PPARGC1A: variants seen among roughly 807,000 people sequenced by gnomAD.
The protein encoded by PPARGC1A is peroxisome proliferator-activated receptor gamma coactivator 1-alpha.
Under a neutral mutation model 88.7 loss-of-function variants are expected in PPARGC1A, and 25 were observed. The ratio of observed to expected loss-of-function variants is 0.28; its 90% CI spans 0.21 to 0.39. The LOEUF is 0.39. PPARGC1A is among the 10% of genes least tolerant of loss of function. PPARGC1A has a pLI of 1.00. For missense variants in PPARGC1A, 880 were observed against 968.7 expected (o/e 0.91, Z 1.22); for synonymous variants, 363 against 355.6 (o/e 1.02, Z -0.24).
At chr4:24,002,521 C>T in the PPARGC1A span, among the ~76,000 whole-genome samples, 1 of 151,912 alleles carries the variant, frequency 6.6e-6, no homozygotes, top group Non-Finnish European at 1.5e-5. Context: ...ATTGAAACAG[C>T]CGCAAAGGTT....
the PPARGC1A span, among the ~76,000 whole-genome samples, chr4:24,460,916 CAACAG>C: frequency 1.3e-5 from 2 of 152,150 alleles, no homozygotes; most frequent in Non-Finnish European, 2.9e-5. Flanking sequence ...CTGACATTGT[CAACAG>C]AACAGATTTT....
chr4:24,125,554 T>C, the PPARGC1A span, among the ~76,000 whole-genome samples: 27 of 152,204 alleles, frequency 1.8e-4, no homozygotes, highest in Non-Finnish European at 4.4e-5. Flanking sequence ...TAGGGCTCAA[T>C]GGAAAACTCC....
At chr4:24,430,964 A>T in the PPARGC1A span, among the ~76,000 whole-genome samples, 92 of 152,080 alleles carry the variant, frequency 6.0e-4, no homozygotes, top group African/African-American at 2.1e-3. Flanking sequence ...CTAAAAAAAA[A>T]TACCAAAAAA....
chr4:23,985,608 C>T, the PPARGC1A span, among the ~76,000 whole-genome samples: 1 of 45,448 alleles, frequency 2.2e-5, no homozygotes, highest in Non-Finnish European at 5.2e-5. Flanking sequence ...GTGATTTTGA[C>T]CAATTACTTA....
chr4:24,259,204 G>A, the PPARGC1A span, among the ~76,000 whole-genome samples: 1 of 152,144 alleles, frequency 6.6e-6, no homozygotes, highest in Non-Finnish European at 1.5e-5. Context: ...TCCTTAAAAT[G>A]ACTGGCCCTG....
At chr4:23,913,265 TATAGAGAGAG>T in the PPARGC1A span, among the ~76,000 whole-genome samples, 5,544 of 58,358 alleles carry the variant, frequency 0.095, 126 homozygotes, top group Non-Finnish European at 0.11. Flanking sequence ...TATATATATA[TATAGAGAGAG>T]AGAGAGAGAG....
the PPARGC1A span, among the ~76,000 whole-genome samples, chr4:24,120,618 A>C: frequency 1.3e-5 from 2 of 152,252 alleles, no homozygotes; most frequent in East Asian, 1.9e-4. Context: ...CCCAAAATTC[A>C]TATGTTGAAA....
At chr4:23,884,692 T>C (rs1386991040) in intron 2 of PPARGC1A, 60 bp downstream of exon 2, 2 of 1,485,992 alleles carry the variant, frequency 1.3e-6, no homozygotes, top group Non-Finnish European at 9.2e-7. Context: ...TCTATTACCA[T>C]GTTAGTCGGG....
At chr4:24,259,585 A>C in the PPARGC1A span, among the ~76,000 whole-genome samples, 1 of 152,232 alleles carries the variant, frequency 6.6e-6, no homozygotes, top group Non-Finnish European at 1.5e-5. Flanking sequence ...AATACTTACC[A>C]TTGTGTTACA....
the PPARGC1A span, among the ~76,000 whole-genome samples, chr4:23,984,187 C>T: frequency 6.6e-6 from 1 of 152,038 alleles, no homozygotes; most frequent in Non-Finnish European, 1.5e-5. Context: ...CTATGACCAA[C>T]TCATTTTCCT....
At chr4:24,249,444 C>T in the PPARGC1A span, among the ~76,000 whole-genome samples, 1 of 152,222 alleles carries the variant, frequency 6.6e-6, no homozygotes, top group Non-Finnish European at 1.5e-5. Context: ...GTGGTTGTTT[C>T]ACAGCCAGCC....
the PPARGC1A span, among the ~76,000 whole-genome samples, chr4:24,205,216 C>CTGT: frequency 6.6e-6 from 1 of 152,154 alleles, no homozygotes; most frequent in East Asian, 1.9e-4. Context: ...GGTGGGCACC[C>CTGT]TGTATATCTA....
the PPARGC1A span, among the ~76,000 whole-genome samples, chr4:24,430,991 G>A: frequency 6.6e-6 from 1 of 151,962 alleles, no homozygotes; most frequent in African/African-American, 2.4e-5. Context: ...AGGTGTGGTG[G>A]CGGGTGCCTG....
At chr4:24,449,648 C>T in the PPARGC1A span, among the ~76,000 whole-genome samples, 180 of 152,268 alleles carry the variant, frequency 1.2e-3, no homozygotes, top group African/African-American at 4.1e-3. Context: ...GGTAGTTTTG[C>T]ACAAAAGACT....
the PPARGC1A span, among the ~76,000 whole-genome samples, chr4:24,099,907 T>C: frequency 7.2e-6 from 1 of 137,986 alleles, no homozygotes; most frequent in African/African-American, 2.7e-5. Context: ...TAGGAGCTTG[T>C]TAGAAATGAA....
chr4:23,912,233 C>T, the PPARGC1A span, among the ~76,000 whole-genome samples: 1 of 152,122 alleles, frequency 6.6e-6, no homozygotes, highest in Non-Finnish European at 1.5e-5. Context: ...CAAGAGACAG[C>T]TTGTTGCAGA....
the PPARGC1A span, among the ~76,000 whole-genome samples, chr4:24,297,325 T>C: frequency 6.6e-6 from 1 of 152,116 alleles, no homozygotes; most frequent in African/African-American, 2.4e-5. Context: ...CCAGGATTCC[T>C]CTTCCATAAA....
At chr4:24,007,241 C>A in the PPARGC1A span, among the ~76,000 whole-genome samples, 2 of 152,106 alleles carry the variant, frequency 1.3e-5, no homozygotes, top group African/African-American at 2.4e-5. Flanking sequence ...CTTTTCTTGC[C>A]CTCTCTCACA....
chr4:24,150,684 C>T, the PPARGC1A span, among the ~76,000 whole-genome samples: 2 of 152,108 alleles, frequency 1.3e-5, no homozygotes, highest in African/African-American at 4.8e-5. Flanking sequence ...GTGCCGTGGG[C>T]ATTAGGACAC....
Sources: allele counts gnomAD v4.1 joint callset (sites outside exome capture counted in the v4.1 genomes callset), GRCh38; gene constraint gnomAD v4.1.1; transcripts MANE v1.5; gene names NCBI Gene and HGNC (gene_info 2026-07-23, HGNC 2026-07-21).